Variants in CIMIP6 observed in about 807,000 individuals in gnomAD.
CIMIP6 encodes the protein uncharacterized protein C2orf73.
the CIMIP6 span, among the ~76,000 whole-genome samples, chr2:54,347,329 C>A: frequency 6.6e-6 from 1 of 152,080 alleles, no homozygotes; most frequent in Non-Finnish European, 1.5e-5. Flanking sequence ...GAAATAGAAA[C>A]TGGAAATGAT....
the CIMIP6 span, among the ~76,000 whole-genome samples, chr2:54,364,670 A>C: frequency 8.5e-5 from 13 of 152,342 alleles, no homozygotes; most frequent in African/African-American, 3.1e-4. Flanking sequence ...GCCCATAACA[A>C]ATGAAAAAAC....
the CIMIP6 span, among the ~76,000 whole-genome samples, chr2:54,354,127 A>G: frequency 6.6e-6 from 1 of 152,148 alleles, no homozygotes; most frequent in African/African-American, 2.4e-5. Context: ...CCATTTACTT[A>G]TAGGACCTCC....
the CIMIP6 span, among the ~76,000 whole-genome samples, chr2:54,357,354 T>C: frequency 2.0e-5 from 3 of 152,204 alleles, no homozygotes; most frequent in African/African-American, 4.8e-5. Flanking sequence ...CCTCTAATTT[T>C]AAAGGTGTGA....
chr2:54,369,746 C>A, the CIMIP6 span, among the ~76,000 whole-genome samples: 1 of 152,172 alleles, frequency 6.6e-6, no homozygotes, highest in Non-Finnish European at 1.5e-5. Context: ...CAATGCCATG[C>A]TGACATTTTT....
the CIMIP6 span, chr2:54,343,611 A>T: frequency 1.5e-6 from 1 of 687,352 alleles, no homozygotes; most frequent in African/African-American, 1.8e-5. Context: ...TAGTACTGGG[A>T]TATCCACTAA....
chr2:54,372,899 C>G, the CIMIP6 span, among the ~76,000 whole-genome samples: 1 of 152,144 alleles, frequency 6.6e-6, no homozygotes, highest in Non-Finnish European at 1.5e-5. Context: ...GTCATCTCTA[C>G]CTCCTACGTT....
At chr2:54,381,746 C>T in the CIMIP6 span, 1 of 1,403,638 alleles carries the variant, frequency 7.1e-7, no homozygotes, top group Non-Finnish European at 9.3e-7. Context: ...ACTTTTCCAT[C>T]ATGGGCACAT....
the CIMIP6 span, among the ~76,000 whole-genome samples, chr2:54,359,664 G>A: frequency 6.6e-6 from 1 of 151,722 alleles, no homozygotes; most frequent in African/African-American, 2.4e-5. Context: ...GTTTTGATAT[G>A]CTTAATACAT....
the CIMIP6 span, among the ~76,000 whole-genome samples, chr2:54,371,167 A>T: frequency 6.6e-6 from 1 of 152,204 alleles, no homozygotes; most frequent in East Asian, 1.9e-4. Flanking sequence ...GCTGTTTAAG[A>T]AGAAAGAGGA....
chr2:54,335,130 T>C, the CIMIP6 span: 2 of 838,898 alleles, frequency 2.4e-6, no homozygotes, highest in South Asian at 2.0e-5. Context: ...CTCAGAGTAG[T>C]ACTTATCATA....
chr2:54,361,948 A>G, the CIMIP6 span, among the ~76,000 whole-genome samples: 1 of 152,212 alleles, frequency 6.6e-6, no homozygotes, highest in Non-Finnish European at 1.5e-5. Flanking sequence ...CTGTCAGTAC[A>G]AGGCAGACTC....
chr2:54,360,762 T>C, the CIMIP6 span: 1 of 512,318 alleles, frequency 2.0e-6, no homozygotes, highest in Non-Finnish European at 3.3e-6. Flanking sequence ...GAGTGAGACA[T>C]TATTTCTATG....
At chr2:54,374,009 A>G in the CIMIP6 span, among the ~76,000 whole-genome samples, 1 of 152,208 alleles carries the variant, frequency 6.6e-6, no homozygotes, top group South Asian at 2.1e-4. Flanking sequence ...CCATGAGGTC[A>G]TATTTATTCC....
the CIMIP6 span, among the ~76,000 whole-genome samples, chr2:54,375,567 A>C: frequency 6.6e-6 from 1 of 152,218 alleles, no homozygotes; most frequent in Non-Finnish European, 1.5e-5. Flanking sequence ...AAAATTGTAC[A>C]CGTGTATATG....
the CIMIP6 span, among the ~76,000 whole-genome samples, chr2:54,332,095 G>T: frequency 6.6e-6 from 1 of 152,196 alleles, no homozygotes; most frequent in Non-Finnish European, 1.5e-5. Context: ...GTGCGCTAAG[G>T]ATGGTTACAC....
chr2:54,344,755 T>C, the CIMIP6 span, among the ~76,000 whole-genome samples: 1 of 152,032 alleles, frequency 6.6e-6, no homozygotes, highest in African/African-American at 2.4e-5. Context: ...AAGATTAGAA[T>C]TATGCCAGTT....
the CIMIP6 span, among the ~76,000 whole-genome samples, chr2:54,351,138 A>G: frequency 6.6e-6 from 1 of 152,262 alleles, no homozygotes; most frequent in Non-Finnish European, 1.5e-5. Context: ...ATTTAACTCA[A>G]GTTGAACAAA....
At chr2:54,371,152 T>G in the CIMIP6 span, among the ~76,000 whole-genome samples, 1 of 152,190 alleles carries the variant, frequency 6.6e-6, no homozygotes, top group Non-Finnish European at 1.5e-5. Context: ...TGTCCATGTT[T>G]TTAGGCTGTT....
chr2:54,376,253 G>A, the CIMIP6 span, among the ~76,000 whole-genome samples: 5 of 151,410 alleles, frequency 3.3e-5, no homozygotes, highest in Admixed American at 1.3e-4. Context: ...CATGTTGCCC[G>A]AGCTGGTCTG....
Sources: gnomAD v4.1 joint callset for allele counts (sites outside exome capture counted in the v4.1 genomes callset) on GRCh38, gnomAD v4.1.1 for gene constraint, MANE v1.5 for transcripts, NCBI Gene and HGNC (gene_info 2026-07-23, HGNC 2026-07-21) for gene names.